ARSF: variants seen among roughly 807,000 people sequenced by gnomAD.
ARSF encodes arylsulfatase F.
ARSF carries 33 observed loss-of-function variants against 35.4 expected under a neutral mutation model. The observed-to-expected ratio is 0.93, with a 90% CI of 0.71 to 1.25. ARSF has a LOEUF of 1.25. Among genes scored for constraint, ARSF ranks in the 50% most tolerant of loss-of-function variants. The pLI is 0.00. For missense variants in ARSF, 501 were observed against 480.2 expected (o/e 1.04, Z -0.40); for synonymous variants, 222 against 193.1 (o/e 1.15, Z -1.24).
chrX:3,084,161 A>G, intron 5 of ARSF, 82 bp from the exon 6 acceptor site: 1 of 1,033,905 alleles, frequency 9.7e-7, no homozygotes, highest in African/African-American at 1.8e-5. Context: ...GTTTCACGTG[A>G]AGAATGCTCA....
At chrX:3,059,578 C>T (rs916428007) in intron 1 of ARSF, among the ~76,000 whole-genome samples, 62 of 112,165 alleles carry the variant, frequency 5.5e-4, no homozygotes, top group African/African-American at 1.8e-3. Flanking sequence ...GGGACACTCT[C>T]GCCCACATAC....
chrX:3,043,428 T>G (rs187497802), intron 1 of ARSF, among the ~76,000 whole-genome samples: 2 of 112,083 alleles, frequency 1.8e-5, no homozygotes, highest in Non-Finnish European at 3.8e-5. Flanking sequence ...AATACAGTAA[T>G]GCAAAAGGAG....
At chrX:3,057,279 A>G (rs1289627150) in intron 1 of ARSF, among the ~76,000 whole-genome samples, 1 of 112,180 alleles carries the variant, frequency 8.9e-6, no homozygotes, top group Non-Finnish European at 1.9e-5. Context: ...TGCAGGGAGC[A>G]CTTTTGCTCT....
intron 1 of ARSF, among the ~76,000 whole-genome samples, chrX:3,058,962 G>A (rs1425245868): frequency 1.8e-5 from 2 of 111,921 alleles, no homozygotes; most frequent in Non-Finnish European, 3.8e-5. Context: ...ATTATAAGTA[G>A]GGATTCTGAA....
At chrX:3,047,906 G>A (rs759725081) in intron 1 of ARSF, among the ~76,000 whole-genome samples, 7 of 111,101 alleles carry the variant, frequency 6.3e-5, no homozygotes, top group African/African-American at 2.0e-4. Context: ...TCCACGTGGT[G>A]GGGGAAGCCT....
intron 4 of ARSF, among the ~76,000 whole-genome samples, chrX:3,077,944 C>A (rs1460292004): frequency 9.4e-6 from 1 of 105,876 alleles, no homozygotes; most frequent in Non-Finnish European, 1.9e-5. Context: ...ACTGGGATTA[C>A]AGGCACGTGC....
At chrX:3,051,267 C>T (rs914661246) in intron 1 of ARSF, among the ~76,000 whole-genome samples, 5 of 111,925 alleles carry the variant, frequency 4.5e-5, no homozygotes, top group African/African-American at 1.6e-4. Flanking sequence ...TTATGTCTCC[C>T]TAAAATGCAT....
chrX:3,071,947 T>G, intron 2 of ARSF, 79 bp from the exon 3 acceptor site: 3 of 1,024,853 alleles, frequency 2.9e-6, no homozygotes, highest in Admixed American at 2.3e-5. Flanking sequence ...CAAAGACCCC[T>G]GTTGTGTTGT....
intron 5 of ARSF, among the ~76,000 whole-genome samples, chrX:3,083,514 CTAT>C: frequency 1.4e-5 from 1 of 71,034 alleles, no homozygotes; most frequent in African/African-American, 5.8e-5. Context: ...ATCTATCTAT[CTAT>C]CTATCTATCT....
intron 7 of ARSF, among the ~76,000 whole-genome samples, chrX:3,093,125 A>C (rs910210593): frequency 6.3e-5 from 7 of 111,745 alleles, no homozygotes; most frequent in East Asian, 5.6e-4. Context: ...AGATCGCGCC[A>C]CTGCACTCCA....
intron 2 of ARSF, among the ~76,000 whole-genome samples, chrX:3,071,385 C>A (rs1430941872): frequency 9.0e-6 from 1 of 110,594 alleles, no homozygotes; most frequent in Non-Finnish European, 1.9e-5. Flanking sequence ...CTCACTGCAA[C>A]CTCCGCCTCC....
At chrX:3,051,831 A>G (rs1315626066) in intron 1 of ARSF, among the ~76,000 whole-genome samples, 1 of 110,510 alleles carries the variant, frequency 9.0e-6, no homozygotes, top group Non-Finnish European at 1.9e-5. Context: ...TGTCTCTACA[A>G]AAAATAAAAA....
intron 1 of ARSF, among the ~76,000 whole-genome samples, chrX:3,052,594 T>C (rs1367719520): frequency 9.2e-6 from 1 of 108,812 alleles, no homozygotes; most frequent in Non-Finnish European, 1.9e-5. Context: ...GTTGGGAGGC[T>C]GAGGCAGGAG....
chrX:3,049,299 G>A (rs757711584), intron 1 of ARSF, among the ~76,000 whole-genome samples: 2 of 92,963 alleles, frequency 2.2e-5, no homozygotes, highest in East Asian at 7.8e-4. Context: ...ATTCTTTTCG[G>A]TCTTTGATCA....
intron 1 of ARSF, among the ~76,000 whole-genome samples, chrX:3,045,148 A>T (rs2089969560): frequency 8.9e-6 from 1 of 112,061 alleles, no homozygotes; most frequent in African/African-American, 3.2e-5. Flanking sequence ...CATTGGAGAA[A>T]GAGAAAAATA....
intron 1 of ARSF, among the ~76,000 whole-genome samples, chrX:3,042,971 A>C (rs1174852261): frequency 9.1e-6 from 1 of 109,824 alleles, no homozygotes; most frequent in Non-Finnish European, 1.9e-5. Context: ...CCTGACCAAC[A>C]CAGTGAAACC....
chrX:3,046,770 A>C (rs1348626154), intron 1 of ARSF, among the ~76,000 whole-genome samples: 2 of 110,994 alleles, frequency 1.8e-5, no homozygotes, highest in East Asian at 5.7e-4. Flanking sequence ...AGCCACGTCA[A>C]CCAAAAGTTA....
chrX:3,108,105 G>T (rs146757343), intron 9 of ARSF, among the ~76,000 whole-genome samples: 1,118 of 111,662 alleles, frequency 0.01, 10 homozygotes, highest in African/African-American at 0.033. Context: ...TTGAGCATTT[G>T]TTGAAAAGCA....
intron 3 of ARSF, among the ~76,000 whole-genome samples, chrX:3,074,624 T>C (rs1439781036): frequency 9.0e-6 from 1 of 111,642 alleles, no homozygotes; most frequent in Non-Finnish European, 1.9e-5. Flanking sequence ...GTGGAATAGC[T>C]AAATCAAGCT....
Sources: allele counts gnomAD v4.1 joint callset (sites outside exome capture counted in the v4.1 genomes callset), GRCh38; gene constraint gnomAD v4.1.1; transcripts MANE v1.5; gene names NCBI Gene and HGNC (gene_info 2026-07-23, HGNC 2026-07-21).